FRMD4A: variants seen among roughly 807,000 people sequenced by gnomAD.
The protein encoded by FRMD4A is FERM domain-containing protein 4A.
Under a neutral mutation model 129.1 loss-of-function variants are expected in FRMD4A, and 29 were observed. The observed-to-expected ratio is 0.22, with a 90% confidence interval of 0.17 to 0.31. The LOEUF is 0.31. Among genes scored for constraint, FRMD4A ranks in the 10% least tolerant of loss-of-function variants. The probability of loss-of-function intolerance (pLI) is 1.00; values close to 1 mark genes in which losing one functional copy is unlikely to be tolerated. For missense variants in FRMD4A, 1,272 were observed against 1,375.8 expected, an observed-to-expected ratio of 0.92 and a Z score of 1.19; for synonymous variants, 634 against 571.6, an observed-to-expected ratio of 1.11 and a Z score of -1.56.
In FRMD4A at chr10:14,330,713, G is replaced by C. The variant is rs1843485870; in HGVS notation, c.-198C>G. Reference sequence around the variant, plus strand: ...ACCATGAGGCACCAGGCAGTCACTGGAGATCAGCAAATGCCCTTACCATCC... The same window carrying C: ...ACCATGAGGCACCAGGCAGTCACTGCAGATCAGCAAATGCCCTTACCATCC... On this transcript the variant is annotated 5_prime_UTR_variant, in exon 1 of 25. Transcript: ENST00000357447. 1 of 398,796 alleles carries C rather than the reference G, an allele frequency of 2.5e-6. No individual in the cohort carries two copies. The highest frequency in any genetic ancestry group is 4.4e-5 in the Admixed American group (1 of 22,770). 24.7% of individuals were successfully genotyped at this position (398,796 alleles called of 1,614,324 possible).
chr10:13,829,213 A>G (rs889500098), intron 3 of FRMD4A, among the ~76,000 whole-genome samples: 2 of 152,186 alleles, frequency 1.3e-5, no homozygotes, highest in African/African-American at 4.8e-5. Flanking sequence ...AAGCTTTCAC[A>G]TTGATAAACA....
chr10:14,069,734 T>A (rs1835226910), intron 2 of FRMD4A, among the ~76,000 whole-genome samples: 1 of 152,202 alleles, frequency 6.6e-6, no homozygotes, highest in African/African-American at 2.4e-5. Context: ...TTAATGTAGG[T>A]TAGTTCTCCC....
chr10:14,226,144 C>A (rs563555879), intron 2 of FRMD4A, among the ~76,000 whole-genome samples: 4 of 152,204 alleles, frequency 2.6e-5, no homozygotes, highest in Non-Finnish European at 4.4e-5. Context: ...ACTTTAAGTT[C>A]TTGATACATA....
intron 2 of FRMD4A, among the ~76,000 whole-genome samples, chr10:14,139,494 G>A (rs1839724659): frequency 6.6e-6 from 1 of 151,626 alleles, no homozygotes; most frequent in South Asian, 2.1e-4. Flanking sequence ...CTGTCACCAA[G>A]GCTGGAATAC....
At chr10:13,813,774 C>T (rs535617545) in intron 3 of FRMD4A, among the ~76,000 whole-genome samples, 11 of 152,296 alleles carry the variant, frequency 7.2e-5, no homozygotes, top group African/African-American at 1.9e-4. Flanking sequence ...CGTATTGTAC[C>T]GCGTACTGCT....
intron 15 of FRMD4A, among the ~76,000 whole-genome samples, chr10:13,687,766 C>T (rs924645590): frequency 1.1e-4 from 16 of 152,222 alleles, no homozygotes; most frequent in Non-Finnish European, 4.4e-5. Context: ...CCTGCTCCCC[C>T]TCCAGTGGTC....
At chr10:14,037,391 T>C (rs2131669371) in intron 2 of FRMD4A, among the ~76,000 whole-genome samples, 1 of 152,304 alleles carries the variant, frequency 6.6e-6, no homozygotes, top group East Asian at 1.9e-4. Context: ...CTAATTTTTG[T>C]ATTTTTAGTA....
intron 2 of FRMD4A, among the ~76,000 whole-genome samples, chr10:14,162,961 C>A (rs530002564): frequency 2.4e-4 from 37 of 152,202 alleles, no homozygotes; most frequent in South Asian, 6.2e-4. Context: ...CATGGCCATT[C>A]GAATCTCTTT....
chr10:14,120,694 C>A (rs998561344), intron 2 of FRMD4A, among the ~76,000 whole-genome samples: 1 of 152,168 alleles, frequency 6.6e-6, no homozygotes, highest in Admixed American at 6.5e-5. Context: ...CCTGGGATCA[C>A]TTCTAGTTTT....
intron 12 of FRMD4A, among the ~76,000 whole-genome samples, chr10:13,718,213 C>T (rs1459492396): frequency 6.6e-6 from 1 of 152,216 alleles, no homozygotes; most frequent in African/African-American, 2.4e-5. Context: ...CTCCAGGCTC[C>T]CCTGGTTGGA....
At chr10:14,292,749 G>A (rs1341056734) in intron 2 of FRMD4A, among the ~76,000 whole-genome samples, 1 of 152,034 alleles carries the variant, frequency 6.6e-6, no homozygotes, top group East Asian at 1.9e-4. Flanking sequence ...GCAGTGAGCT[G>A]AGATCACACC....
chr10:13,740,590 G>T lies in FRMD4A; in HGVS notation c.549-13C>A. The T allele has an allele frequency of 6.8e-7, 1 of 1,461,984 alleles. No individual in the cohort carries two copies. The highest frequency in any genetic ancestry group is 9.5e-7 in the Non-Finnish European group (1 of 1,050,792). 90.6% of individuals were successfully genotyped at this position (1,461,984 alleles called of 1,614,324 possible). Reference sequence around the variant, plus strand: ...GACTCTGTCTTCACTGTAATTAGAAGAAAAGAATGCTGTTGTTGGAGTCTC... The same window carrying T: ...GACTCTGTCTTCACTGTAATTAGAATAAAAGAATGCTGTTGTTGGAGTCTC... On this transcript the variant is annotated splice_polypyrimidine_tract_variant and intron_variant, in intron 9 of 24. Coordinates refer to ENST00000357447, the MANE Select transcript of FRMD4A (RefSeq NM_018027.5).
chr10:14,324,814 C>T (rs749802728), intron 2 of FRMD4A, among the ~76,000 whole-genome samples: 1 of 152,180 alleles, frequency 6.6e-6, no homozygotes, highest in Non-Finnish European at 1.5e-5. Flanking sequence ...GTGCACCCCA[C>T]CACGCCTTGC....
chr10:13,716,805 G>A (rs1485240851), intron 12 of FRMD4A, among the ~76,000 whole-genome samples: 1 of 152,182 alleles, frequency 6.6e-6, no homozygotes, highest in Non-Finnish European at 1.5e-5. Flanking sequence ...CATTGGACTT[G>A]ATTTCCTTGT....
At chr10:13,942,351 T>C in intron 2 of FRMD4A, among the ~76,000 whole-genome samples, 1 of 152,218 alleles carries the variant, frequency 6.6e-6, no homozygotes, top group South Asian at 2.1e-4. Context: ...GAACCTGCAA[T>C]GGGGGCTGAG....
intron 3 of FRMD4A, among the ~76,000 whole-genome samples, chr10:13,827,395 A>AACCC (rs2093719039): frequency 6.6e-6 from 1 of 152,192 alleles, no homozygotes; most frequent in Non-Finnish European, 1.5e-5. Flanking sequence ...CATCTCCCGA[A>AACCC]ACCCGACAGG....
rs1285305420 is a variant in FRMD4A at position 14,039,407 on chromosome 10, C to CATCCATCTATCTATCTATCTATCT, written c.46-180496_46-180495insAGATAGATAGATAGATAGATGGAT. Among the ~76,000 whole-genome samples, 477 of 147,720 alleles carry CATCCATCTATCTATCTATCTATCT rather than the reference C, an allele frequency of 3.2e-3. 5 individuals carry two copies. Among genetic ancestry groups the CATCCATCTATCTATCTATCTATCT allele is most frequent in the African/African-American group, 0.012 (457 of 38,612 alleles). On this transcript the variant is annotated intron_variant, in intron 2 of 24. Coordinates refer to ENST00000357447, the MANE Select transcript of FRMD4A (RefSeq NM_018027.5). ...CCATCCATCCATCCATCCATCCATCCATCTATCTATCTATCTATCTATCTA... is the reference window on the plus strand; with the variant it reads ...CCATCCATCCATCCATCCATCCATCCATCCATCTATCTATCTATCTATCTATCTATCTATCTATCTATCTATCTA...
At chr10:13,943,361 C>A (rs1230928123) in intron 2 of FRMD4A, among the ~76,000 whole-genome samples, 2 of 151,656 alleles carry the variant, frequency 1.3e-5, no homozygotes, top group East Asian at 3.9e-4. Flanking sequence ...AAAAGGAGAC[C>A]CACATCGGCC....
chr10:14,230,218 C>T (rs913350844), intron 2 of FRMD4A, among the ~76,000 whole-genome samples: 3 of 152,176 alleles, frequency 2.0e-5, no homozygotes, highest in Admixed American at 2.0e-4. Context: ...GCCCTCTCCC[C>T]CCTAGCATCT....
Sources: gnomAD v4.1 joint callset for allele counts (sites outside exome capture counted in the v4.1 genomes callset) on GRCh38, gnomAD v4.1.1 for gene constraint, MANE v1.5 for transcripts, NCBI Gene and HGNC (gene_info 2026-07-23, HGNC 2026-07-21) for gene names.